Variants in SOCS6 observed in about 807,000 individuals in gnomAD.
SOCS6 encodes STAT induced STAT inhibitor-4.
Under a neutral mutation model 27.7 loss-of-function variants are expected in SOCS6, and 5 were observed. The observed-to-expected ratio is 0.18, with a 90% CI of 0.09 to 0.38. The LOEUF is 0.38. SOCS6 is among the 10% of genes least tolerant of loss of function. SOCS6 has a pLI of 1.00. For missense variants in SOCS6, 595 were observed against 688.1 expected (o/e 0.86, Z 1.51); for synonymous variants, 271 against 260.0 (o/e 1.04, Z -0.41).
At chr18:70,301,254 G>A (rs963810548) in intron 1 of SOCS6, among the ~76,000 whole-genome samples, 8 of 152,194 alleles carry the variant, frequency 5.3e-5, no homozygotes, top group African/African-American at 1.9e-4. Flanking sequence ...ATGGGGCAGG[G>A]GAAAGAAAGC....
Position 70,325,734 on chromosome 18 carries a change from A to G in SOCS6, c.1066A>G (p.Arg356Gly). ...TCCGAACTCTGCTCCTGGGGTTGCA[A>G]GAGTTTATGACTCAGTGCAAAGTAG... ...FDPNSAPGVARVYDSVQSSGP... is the reference protein window; with the variant it reads ...FDPNSAPGVAGVYDSVQSSGP... The change falls in exon 2 of 2, where the codon AGA becomes GGA. Residue 356 changes from arginine (R) to glycine (G), a missense_variant. Around this residue, in one of 2 missense-constraint regions of SOCS6, gnomAD observed 467 missense variants for 481.1 expected, o/e 0.97. Coordinates refer to ENST00000397942, the MANE Select transcript of SOCS6 (RefSeq NM_004232.4). The surrounding 1 kb of genome is among the most constrained non-coding windows in gnomAD (Gnocchi z 6.3). 2.5e-6 allele frequency: 4 copies of G among 1,614,238 alleles called. No homozygotes were observed. The highest frequency in any genetic ancestry group is 2.2e-5 in the East Asian group (1 of 44,880).
intron 1 of SOCS6, among the ~76,000 whole-genome samples, chr18:70,293,663 T>C (rs989898467): frequency 1.3e-5 from 2 of 152,134 alleles, no homozygotes; most frequent in African/African-American, 2.4e-5. Context: ...AGACAGTCTC[T>C]CATGGGGATG....
intron 1 of SOCS6, among the ~76,000 whole-genome samples, chr18:70,321,234 A>G (rs1278768490): frequency 6.7e-6 from 1 of 149,442 alleles, no homozygotes; most frequent in Non-Finnish European, 1.5e-5. Context: ...AGATCATACC[A>G]CTGCACTCTA....
In SOCS6 at chr18:70,328,587, C is replaced by T. The variant is rs1279382882; in HGVS notation, c.*2311C>T. The T allele has an allele frequency of 1.2e-5, 2 of 166,792 alleles. No homozygotes were observed. The highest frequency in any genetic ancestry group is 4.8e-5 in the African/African-American group (2 of 41,374). 10.3% of individuals were successfully genotyped at this position (166,792 alleles called of 1,614,324 possible). ...TAATTCAGAAAGCCAAATTTTGATG[C>T]GCTTTTGTATATTCATAATATATAC... On this transcript the variant is annotated 3_prime_UTR_variant, in exon 2 of 2. Coordinates refer to ENST00000397942, the MANE Select transcript of SOCS6 (RefSeq NM_004232.4).
Position 70,326,097 on chromosome 18 carries a change from C to T in SOCS6, c.1429C>T (p.Leu477=). ...NGAFCYSRSR[L]PGSATYPVRL... ...AGCTTTTTGTTATTCAAGGTCTCGG[C>T]TGCCTGGATCTGCAACTTACCCCGT... Residue 477 remains leucine (L), a synonymous_variant, in exon 2 of 2, where the codon CTG becomes TTG. Coordinates refer to ENST00000397942, the MANE Select transcript of SOCS6 (RefSeq NM_004232.4). The T allele has an allele frequency of 1.2e-6, 2 of 1,614,224 alleles. No individual in the cohort carries two copies. The highest frequency in any genetic ancestry group is 1.7e-6 in the Non-Finnish European group (2 of 1,180,044).
chr18:70,302,207 G>T (rs190483848), intron 1 of SOCS6, among the ~76,000 whole-genome samples: 5 of 152,174 alleles, frequency 3.3e-5, no homozygotes, highest in Admixed American at 6.5e-5. Context: ...TGGAGTAGAT[G>T]GAAACATGGT....
In SOCS6 at chr18:70,312,342, G is replaced by T. The variant is rs969041844; in HGVS notation, c.-126-12201G>T. 3.2e-4 allele frequency among the ~76,000 whole-genome samples: 49 copies of T among 151,800 alleles called. 1 individual carries two copies. The highest frequency in any genetic ancestry group is 1.2e-3 in the African/African-American group (48 of 41,380). On this transcript the variant is annotated intron_variant, in intron 1 of 1. Coordinates refer to ENST00000397942, the MANE Select transcript of SOCS6 (RefSeq NM_004232.4). ...TTGTTTTGTTTTTTTTTCAATTAAT[G>T]CAATAAGGAACATTGTTGTCCATAT... is the stretch of plus-strand genomic sequence containing the variant.
At chr18:70,298,484 G>T (rs1312240360) in intron 1 of SOCS6, among the ~76,000 whole-genome samples, 1 of 152,002 alleles carries the variant, frequency 6.6e-6, no homozygotes, top group African/African-American at 2.4e-5. Context: ...TATCATTCTG[G>T]AGGTCAGGAT....
At chr18:70,294,938 G>A (rs966052571) in intron 1 of SOCS6, among the ~76,000 whole-genome samples, 18 of 152,228 alleles carry the variant, frequency 1.2e-4, no homozygotes, top group African/African-American at 4.3e-4. Flanking sequence ...AGACTGGGGA[G>A]TGATGATTAT....
At chr18:70,305,807 G>A (rs1007497233) in intron 1 of SOCS6, among the ~76,000 whole-genome samples, 2 of 151,970 alleles carry the variant, frequency 1.3e-5, no homozygotes, top group African/African-American at 2.4e-5. Context: ...TTTATATTTT[G>A]TGAACAGAAT....
intron 1 of SOCS6, among the ~76,000 whole-genome samples, chr18:70,302,621 A>C (rs2062353141): frequency 6.6e-6 from 1 of 152,180 alleles, no homozygotes; most frequent in Non-Finnish European, 1.5e-5. Flanking sequence ...AGAAGTATAC[A>C]CAAGGAAATG....
intron 1 of SOCS6, among the ~76,000 whole-genome samples, chr18:70,320,993 T>C (rs1365304368): frequency 6.6e-6 from 1 of 152,104 alleles, no homozygotes; most frequent in Non-Finnish European, 1.5e-5. Flanking sequence ...AATATAAAAT[T>C]AGGCTGGGCA....
chr18:70,289,386 C>T (rs1023676898), intron 1 of SOCS6, among the ~76,000 whole-genome samples: 45 of 148,068 alleles, frequency 3.0e-4, no homozygotes, highest in African/African-American at 1.0e-3. Flanking sequence ...CGGGGCGCGG[C>T]GGCCCCTGAA....
At chr18:70,308,864 T>C (rs1001869955) in intron 1 of SOCS6, among the ~76,000 whole-genome samples, 3 of 152,242 alleles carry the variant, frequency 2.0e-5, no homozygotes, top group Non-Finnish European at 4.4e-5. Flanking sequence ...GATATTAATA[T>C]TGCTATTCTA....
intron 1 of SOCS6, among the ~76,000 whole-genome samples, chr18:70,290,112 G>C (rs1364821843): frequency 1.3e-5 from 2 of 152,190 alleles, no homozygotes; most frequent in Non-Finnish European, 2.9e-5. Flanking sequence ...TGCAACGTCT[G>C]CCCGGATAAG....
At position 70,317,435 on chromosome 18, in the gene SOCS6, T is replaced by C. The variant is rs1425440566; in HGVS notation, c.-126-7108T>C. ...GTATTCCATGGTGTGTGTGTGTGTG[T>C]GTGTGTATACACATACATATATAGA... On this transcript the variant is annotated intron_variant, in intron 1 of 1. Coordinates refer to ENST00000397942, the MANE Select transcript of SOCS6 (RefSeq NM_004232.4). Among the ~76,000 whole-genome samples the C allele has an allele frequency of 2.0e-5, 3 of 151,876 alleles. 1 individual carries two copies. The highest frequency in any genetic ancestry group is 3.9e-4 in the East Asian group (2 of 5,170).
Position 70,325,664 on chromosome 18 carries a change from A to G in SOCS6, c.996A>G (p.Thr332=). 5 of 1,614,246 alleles carry G rather than the reference A, an allele frequency of 3.1e-6. No individual in the cohort carries two copies. Among genetic ancestry groups the G allele is most frequent in the Non-Finnish European group, 4.2e-6 (5 of 1,180,038 alleles). The part of the protein sequence containing the change: ...IQRNFSGLTG[T]EAHVAESMRC... ...GGAACTTCAGTGGACTCACTGGCAC[A>G]GAAGCCCACGTGGCTGAAAGTATGC... Residue 332 remains threonine, a synonymous_variant, in exon 2 of 2, where the codon ACA becomes ACG. Transcript: ENST00000397942. This position sits in a 1 kb window ranked among gnomAD's most constrained non-coding sequence, Gnocchi z 6.3.
rs774856516 is a variant in SOCS6 at position 70,326,120 on chromosome 18, C to T, written c.1452C>T (p.Pro484=). The T allele has an allele frequency of 6.3e-5, 102 of 1,614,078 alleles. No homozygotes were observed. In the South Asian group the frequency reaches 6.5e-4, roughly 10 times the overall value. The part of the protein sequence containing the change: ...RSRLPGSATY[P]VRLTNPVSRF... ...GGCTGCCTGGATCTGCAACTTACCC[C>T]GTCAGACTGACCAACCCAGTGTCCC... Residue 484 remains proline, a synonymous_variant, in exon 2 of 2, where the codon CCC becomes CCT. Transcript: ENST00000397942.
At chr18:70,321,962 G>T (rs1338771446) in intron 1 of SOCS6, among the ~76,000 whole-genome samples, 2 of 152,092 alleles carry the variant, frequency 1.3e-5, no homozygotes, top group Admixed American at 6.5e-5. Context: ...TTTATTGAAG[G>T]TTAAGTAGTT....
Sources: allele counts gnomAD v4.1 joint callset (sites outside exome capture counted in the v4.1 genomes callset), GRCh38; gene constraint gnomAD v4.1.1; regional missense constraint gnomAD v4.1.1; non-coding constraint Gnocchi (gnomAD v3.1); transcripts MANE v1.5; gene names NCBI Gene and HGNC (gene_info 2026-07-23, HGNC 2026-07-21).